Variants in FSTL4 observed in about 807,000 individuals in gnomAD.
FSTL4 encodes follistatin like 4.
A neutral mutation model predicts 78.2 loss-of-function variants in FSTL4; 28 were observed. The ratio of observed to expected loss-of-function variants is 0.36; its 90% CI spans 0.27 to 0.49. The LOEUF (loss-of-function observed/expected upper bound fraction) is 0.49, where lower values mean the gene tolerates loss of function less well. FSTL4 is among the 20% of genes least tolerant of loss of function. The pLI is 0.98. For synonymous variants in FSTL4, 422 were observed against 440.5 expected (o/e 0.96, Z 0.53); for missense variants, 922 against 1,084.9 (o/e 0.85, Z 2.11).
chr5:133,433,382 C>A (rs745883906), intron 3 of FSTL4, among the ~76,000 whole-genome samples: 1 of 152,220 alleles, frequency 6.6e-6, no homozygotes, highest in African/African-American at 2.4e-5. Flanking sequence ...AAGGGTAGGG[C>A]ACCCCTTCAA....
chr5:133,740,405 A>G, the FSTL4 span, among the ~76,000 whole-genome samples: 1 of 152,150 alleles, frequency 6.6e-6, no homozygotes, highest in Non-Finnish European at 1.5e-5. Context: ...ATTAAAATAC[A>G]TATGACACTC....
rs80210651 is a variant in FSTL4, at chr5:133,597,969, A to G, written c.126+5889T>C. Among the ~76,000 whole-genome samples, 696 of 152,226 alleles carry G rather than the reference A, an allele frequency of 4.6e-3. 2 individuals are homozygous for G. Among genetic ancestry groups the G allele is most frequent in the Non-Finnish European group, 6.7e-3 (458 of 68,014 alleles). On this transcript the variant is annotated intron_variant, in intron 2 of 15. Transcript: ENST00000265342. ...AAAACCACCTACAGACAAGCCAGGG[A>G]GGAGCCACGGGTTCCAAGAGTGAGA...
the FSTL4 span, among the ~76,000 whole-genome samples, chr5:133,624,095 C>T: frequency 0.075 from 11,351 of 151,882 alleles, 445 homozygotes; most frequent in South Asian, 0.17. Context: ...GCAATTCCAC[C>T]CCTAAGTATA....
At position 133,573,393 on chromosome 5, in the gene FSTL4, G is replaced by T. The variant is rs140757569; in HGVS notation, c.127-6174C>A. Among the ~76,000 whole-genome samples the T allele has an allele frequency of 7.6e-3, 1,160 of 152,218 alleles. 2 individuals are homozygous for T. The highest frequency in any genetic ancestry group is 0.011 in the Non-Finnish European group (754 of 68,002). Reference sequence around the variant, plus strand: ...TGTTTACAAAAAGGCTGAATGTAAAGAATTTAAATGATAAACCATATTAAC... The same window carrying T: ...TGTTTACAAAAAGGCTGAATGTAAATAATTTAAATGATAAACCATATTAAC... On this transcript the variant is annotated intron_variant, in intron 2 of 15. Transcript: ENST00000265342.
At chr5:133,301,746 G>A (rs951092078) in intron 6 of FSTL4, among the ~76,000 whole-genome samples, 4 of 152,226 alleles carry the variant, frequency 2.6e-5, no homozygotes, top group Non-Finnish European at 5.9e-5. Context: ...GCTGCCCCAG[G>A]CGGCTCGCAC....
intron 4 of FSTL4, among the ~76,000 whole-genome samples, chr5:133,386,108 A>G (rs1320023892): frequency 6.6e-6 from 1 of 152,198 alleles, no homozygotes; most frequent in Admixed American, 6.5e-5. Flanking sequence ...GTTAGGGGTA[A>G]TAACAGTCCT....
At chr5:133,827,892 G>A in the FSTL4 span, among the ~76,000 whole-genome samples, 1 of 152,096 alleles carries the variant, frequency 6.6e-6, no homozygotes, top group African/African-American at 2.4e-5. Context: ...AACTTGAGAG[G>A]TCAGCCACAC....
chr5:133,366,332 C>T lies in FSTL4; in HGVS notation c.409+34406G>A, dbSNP rs189390552. Among the ~76,000 whole-genome samples the T allele has an allele frequency of 1.6e-4, 25 of 152,260 alleles. No homozygotes were observed. The East Asian group carries it at 4.6e-3, about 28-fold the overall frequency. ...CCGCATTGAAACATCTCCCTCAATG[C>T]TTTTCTTTATGGTCTTTACCACCTG... On this transcript the variant is annotated intron_variant, in intron 4 of 15. Transcript: ENST00000265342.
upstream of FSTL4, among the ~76,000 whole-genome samples, chr5:133,612,976 A>C (rs1433251957): frequency 1.3e-5 from 2 of 152,206 alleles, no homozygotes; most frequent in African/African-American, 4.8e-5. The surrounding 1 kb of genome is among the most constrained non-coding windows in gnomAD (Gnocchi z 6.2). Context: ...GTTGAGACCC[A>C]ACAACCTGGG....
chr5:133,438,947 C>T (rs1580708731), intron 3 of FSTL4, among the ~76,000 whole-genome samples: 1 of 152,332 alleles, frequency 6.6e-6, no homozygotes, highest in South Asian at 2.1e-4. Flanking sequence ...GAACCTCACG[C>T]GCCTTTGATT....
the FSTL4 span, among the ~76,000 whole-genome samples, chr5:133,825,443 G>A: frequency 5.3e-4 from 80 of 152,332 alleles, 1 homozygote; most frequent in East Asian, 0.012. Context: ...TGCCTCTGCA[G>A]CCATTTACCA....
intron 4 of FSTL4, among the ~76,000 whole-genome samples, chr5:133,321,799 G>T (rs1754061430): frequency 6.6e-6 from 1 of 152,340 alleles, no homozygotes; most frequent in Admixed American, 6.5e-5. Flanking sequence ...CCAGAGAAAA[G>T]GTGGGATGCT....
chr5:133,804,060 C>T, the FSTL4 span, among the ~76,000 whole-genome samples: 1 of 152,188 alleles, frequency 6.6e-6, no homozygotes, highest in African/African-American at 2.4e-5. Flanking sequence ...TTTCCAAATC[C>T]TGAATGTAGC....
chr5:133,529,702 T>C (rs1050282829), intron 3 of FSTL4, among the ~76,000 whole-genome samples: 1 of 152,150 alleles, frequency 6.6e-6, no homozygotes, highest in African/African-American at 2.4e-5. Flanking sequence ...CTAAACCCTC[T>C]CCTAAACAGA....
intron 3 of FSTL4, among the ~76,000 whole-genome samples, chr5:133,516,037 AT>A (rs957520563): frequency 3.5e-3 from 525 of 149,582 alleles, no homozygotes; most frequent in African/African-American, 0.012. Context: ...ACCTAGCGCT[AT>A]TTTTTTTTTG....
chr5:133,550,715 T>A (rs938476030), intron 3 of FSTL4, among the ~76,000 whole-genome samples: 1 of 152,304 alleles, frequency 6.6e-6, no homozygotes, highest in East Asian at 1.9e-4. Flanking sequence ...ATACTCAGAA[T>A]GTCTGGCTGT....
At chr5:133,580,669 T>G (rs1221043063) in intron 2 of FSTL4, among the ~76,000 whole-genome samples, 1 of 152,164 alleles carries the variant, frequency 6.6e-6, no homozygotes, top group East Asian at 1.9e-4. Flanking sequence ...AGGTCTCTAC[T>G]TCAATACCCA....
At chr5:133,678,594 G>C in the FSTL4 span, among the ~76,000 whole-genome samples, 1 of 151,966 alleles carries the variant, frequency 6.6e-6, no homozygotes, top group Non-Finnish European at 1.5e-5. Context: ...AGGAAATCAA[G>C]AGTCCAGTTT....
chr5:133,513,287 A>G (rs1488951319), intron 3 of FSTL4, among the ~76,000 whole-genome samples: 1 of 152,228 alleles, frequency 6.6e-6, no homozygotes, highest in Non-Finnish European at 1.5e-5. Context: ...ATAGGGCAGA[A>G]TTGTTTCTTT....
Sources: gnomAD v4.1 joint callset for allele counts (sites outside exome capture counted in the v4.1 genomes callset) on GRCh38, gnomAD v4.1.1 for gene constraint, Gnocchi (gnomAD v3.1) non-coding constraint, MANE v1.5 for transcripts, NCBI Gene and HGNC (gene_info 2026-07-23, HGNC 2026-07-21) for gene names.